The following CAMK2D variants were observed in gnomAD, a reference collection of about 807,000 sequenced individuals.
CAMK2D encodes calcium/calmodulin dependent protein kinase II delta.
Under a neutral mutation model 84.0 loss-of-function variants are expected in CAMK2D, and 37 were observed. That is an observed-to-expected ratio of 0.44 (90% CI 0.34 to 0.58). The LOEUF is 0.58. Among genes scored for constraint, CAMK2D ranks in the 20% least tolerant of loss-of-function variants. CAMK2D has a pLI of 0.02. For synonymous variants in CAMK2D, 202 were observed against 212.5 expected (o/e 0.95, Z 0.43); for missense variants, 448 against 652.5 (o/e 0.69, Z 3.41).
At position 113,531,383 on chromosome 4, in the gene CAMK2D, G is replaced by T. The variant is rs892549798; in HGVS notation, c.518-84C>A. On this transcript the variant is annotated intron_variant, in intron 7 of 20. Coordinates refer to ENST00000511664, the MANE Select transcript of CAMK2D (RefSeq NM_001321571.2). ...AAACTAAGAAAGAAAAATATCGGGG[G>T]CTTCTTTATCTGATTATATGTTTTT... 12 of 751,734 alleles carry T rather than the reference G, an allele frequency of 1.6e-5. No homozygotes were observed. The East Asian group carries it at 3.2e-4, about 20-fold the overall frequency. 46.6% of individuals were successfully genotyped at this position (751,734 alleles called of 1,614,324 possible).
At chr4:113,722,521 CTTTA>C (rs763033448) in intron 2 of CAMK2D, among the ~76,000 whole-genome samples, 4 of 152,092 alleles carry the variant, frequency 2.6e-5, no homozygotes, top group Non-Finnish European at 5.9e-5. Flanking sequence ...GTACACGGCT[CTTTA>C]TTTATATGCA....
intron 19 of CAMK2D, 105 bp downstream of exon 19, chr4:113,457,230 C>T (rs1466291022): frequency 6.7e-7 from 1 of 1,486,750 alleles, no homozygotes; most frequent in Non-Finnish European, 8.9e-7. Context: ...GTGTAACCAA[C>T]TACTAGCGTT....
intron 4 of CAMK2D, among the ~76,000 whole-genome samples, chr4:113,586,019 T>C (rs1429639560): frequency 6.6e-6 from 1 of 152,176 alleles, no homozygotes; most frequent in Non-Finnish European, 1.5e-5. Context: ...TGTCTGACTG[T>C]AGTGGACCTA....
chr4:113,578,996 A>T (rs2098796542), intron 4 of CAMK2D, among the ~76,000 whole-genome samples: 1 of 149,766 alleles, frequency 6.7e-6, no homozygotes, highest in African/African-American at 2.5e-5. Flanking sequence ...AAAACCAAAG[A>T]CTATCTCTTA....
chr4:113,746,977 A>AATATATATATAT (rs148764047), intron 2 of CAMK2D, among the ~76,000 whole-genome samples: 2 of 145,616 alleles, frequency 1.4e-5, no homozygotes, highest in African/African-American at 5.1e-5. Context: ...TACCATTAAT[A>AATATATATATAT]ATATATATAT....
At chr4:113,596,988 T>G (rs2098930127) in intron 4 of CAMK2D, among the ~76,000 whole-genome samples, 1 of 152,048 alleles carries the variant, frequency 6.6e-6, no homozygotes, top group Non-Finnish European at 1.5e-5. Flanking sequence ...CTGGCTAATT[T>G]GTTGTATTTT....
chr4:113,677,281 G>T (rs2099322336), intron 2 of CAMK2D, among the ~76,000 whole-genome samples: 8 of 152,030 alleles, frequency 5.3e-5, no homozygotes, highest in Admixed American at 5.2e-4. Flanking sequence ...TTAGCTGAAA[G>T]ATTTTTTTTA....
At position 113,494,140 on chromosome 4, in the gene CAMK2D, C is replaced by T. The variant is rs112622311; in HGVS notation, c.1135+6323G>A. Among the ~76,000 whole-genome samples, 460 of 152,146 alleles carry T rather than the reference C, an allele frequency of 3.0e-3. 1 individual carries two copies. Among genetic ancestry groups the T allele is most frequent in the Middle Eastern group, 0.01 (3 of 294 alleles). On this transcript the variant is annotated intron_variant, in intron 16 of 20. Coordinates refer to ENST00000511664, the MANE Select transcript of CAMK2D (RefSeq NM_001321571.2). ...GATCATCTGAAGCCTTCTCTCAGCT[C>T]GTCAAAGTCATTCTCCATCCAGCTT...
intron 16 of CAMK2D, among the ~76,000 whole-genome samples, chr4:113,490,088 A>G (rs991818024): frequency 1.3e-5 from 2 of 150,470 alleles, no homozygotes; most frequent in African/African-American, 4.9e-5. Flanking sequence ...CCCATTTTGT[A>G]GGTTGCCTGT....
At chr4:113,628,967 T>C (rs1394044673) in intron 3 of CAMK2D, among the ~76,000 whole-genome samples, 1 of 152,038 alleles carries the variant, frequency 6.6e-6, no homozygotes, top group Non-Finnish European at 1.5e-5. Context: ...CCAAGCTCAG[T>C]TGGAAGAACA....
chr4:113,505,556 T>C (rs1386695657), intron 13 of CAMK2D, among the ~76,000 whole-genome samples: 2 of 152,134 alleles, frequency 1.3e-5, no homozygotes, highest in African/African-American at 4.8e-5. Flanking sequence ...GGTGTCACAA[T>C]AGCTTTTAAA....
chr4:113,531,893 C>T (rs2098461036), intron 7 of CAMK2D, among the ~76,000 whole-genome samples: 1 of 152,060 alleles, frequency 6.6e-6, no homozygotes, highest in African/African-American at 2.4e-5. Flanking sequence ...ATAAGTTACA[C>T]TTAGAAACAA....
At chr4:113,513,498 T>G (rs1478386209) in intron 11 of CAMK2D, 128 bp from the exon 12 acceptor site, 3 of 728,224 alleles carry the variant, frequency 4.1e-6, no homozygotes, top group Non-Finnish European at 7.2e-6. Context: ...TTATTGTTTG[T>G]TTTTGTTTTT....
intron 2 of CAMK2D, among the ~76,000 whole-genome samples, chr4:113,682,022 A>G (rs1277440073): frequency 6.6e-6 from 1 of 152,196 alleles, no homozygotes; most frequent in Non-Finnish European, 1.5e-5. Flanking sequence ...GGAGCAGTGG[A>G]CCTGAGTTTA....
At chr4:113,705,852 C>T (rs1054174831) in intron 2 of CAMK2D, among the ~76,000 whole-genome samples, 1 of 152,102 alleles carries the variant, frequency 6.6e-6, no homozygotes, top group Admixed American at 6.6e-5. Flanking sequence ...AAGAAGAAAA[C>T]CATTCTATCA....
chr4:113,585,314 C>T (rs923113609), intron 4 of CAMK2D, among the ~76,000 whole-genome samples: 1 of 152,112 alleles, frequency 6.6e-6, no homozygotes, highest in South Asian at 2.1e-4. Context: ...TTCAGATTTG[C>T]AGTTGAACCT....
At chr4:113,720,706 T>C (rs1421594066) in intron 2 of CAMK2D, among the ~76,000 whole-genome samples, 3 of 137,154 alleles carry the variant, frequency 2.2e-5, no homozygotes, top group Admixed American at 2.0e-4. Flanking sequence ...GAAATCATAA[T>C]CACAGAAAAA....
intron 16 of CAMK2D, among the ~76,000 whole-genome samples, chr4:113,498,788 G>A (rs1425169649): frequency 6.6e-6 from 1 of 152,138 alleles, no homozygotes; most frequent in East Asian, 1.9e-4. Context: ...AGGTAACACT[G>A]ACAGGAACTC....
At chr4:113,511,287 T>C (rs896561742) in intron 12 of CAMK2D, among the ~76,000 whole-genome samples, 1 of 152,170 alleles carries the variant, frequency 6.6e-6, no homozygotes, top group Admixed American at 6.5e-5. Context: ...ATTCTTCAGT[T>C]GATTTTGAAG....
Sources: allele counts gnomAD v4.1 joint callset (sites outside exome capture counted in the v4.1 genomes callset), GRCh38; gene constraint gnomAD v4.1.1; transcripts MANE v1.5; gene names NCBI Gene and HGNC (gene_info 2026-07-23, HGNC 2026-07-21).